PTDSS2: variants seen among roughly 807,000 people sequenced by gnomAD.
The protein encoded by PTDSS2 is PSS-2.
Under a neutral mutation model 64.7 loss-of-function variants are expected in PTDSS2, and 41 were observed. The ratio of observed to expected loss-of-function variants is 0.63; its 90% CI spans 0.49 to 0.82. The LOEUF is 0.82. PTDSS2 is among the 40% of genes least tolerant of loss of function. PTDSS2 has a pLI of 0.00. For missense variants in PTDSS2, 485 were observed against 650.0 expected, an observed-to-expected ratio of 0.75 and a Z score of 2.76; for synonymous variants, 297 against 277.8, an observed-to-expected ratio of 1.07 and a Z score of -0.69.
chr11:473,224 C>T (rs916721996), intron 2 of PTDSS2, among the ~76,000 whole-genome samples: 5 of 152,248 alleles, frequency 3.3e-5, no homozygotes, highest in African/African-American at 1.2e-4. Context: ...CTCGCATCCT[C>T]CTTCCCGTGA....
chr11:452,893 T>TTTTA (rs1221991898), intron 1 of PTDSS2, among the ~76,000 whole-genome samples: 17 of 152,116 alleles, frequency 1.1e-4, no homozygotes, highest in African/African-American at 2.4e-4. Context: ...TTTTATTCAT[T>TTTTA]TTTATTTATT....
At chr11:466,008 A>G (rs1442696682) in intron 2 of PTDSS2, among the ~76,000 whole-genome samples, 4 of 152,192 alleles carry the variant, frequency 2.6e-5, no homozygotes, top group Admixed American at 2.6e-4. Flanking sequence ...AAGCTGTTGA[A>G]AATGTTTACA....
Position 462,490 on chromosome 11 carries a change from T to C in PTDSS2, c.284+2202T>C, listed in dbSNP as rs755829325. ...CACATTCTCTTTCCCCCTCACCCTC[T>C]TTGAGGGCACAAAAGAAGCCACCTG... On this transcript the variant is annotated intron_variant, in intron 2 of 11. Coordinates refer to ENST00000308020, the MANE Select transcript of PTDSS2 (RefSeq NM_030783.3). The surrounding 1 kb of genome is among the most constrained non-coding windows in gnomAD (Gnocchi z 4.5). Among the ~76,000 whole-genome samples the C allele has an allele frequency of 1.3e-5, 2 of 152,214 alleles. No individual in the cohort carries two copies. The highest frequency in any genetic ancestry group is 2.4e-5 in the African/African-American group (1 of 41,446).
chr11:453,121 C>T (rs1403545837), intron 1 of PTDSS2, among the ~76,000 whole-genome samples: 1 of 152,144 alleles, frequency 6.6e-6, no homozygotes, highest in African/African-American at 2.4e-5. Context: ...GCTTGTCAGC[C>T]ATAGGGATAG....
intron 3 of PTDSS2, among the ~76,000 whole-genome samples, chr11:475,264 C>CATTT (rs1847722315): frequency 1.4e-5 from 2 of 144,460 alleles, no homozygotes; most frequent in South Asian, 2.2e-4. Flanking sequence ...CATATTCACG[C>CATTT]GTTTGTGATA....
chr11:479,319 G>A lies in PTDSS2; in HGVS notation c.435+167G>A. On this transcript the variant is annotated intron_variant, in intron 4 of 11. Transcript: ENST00000308020. This position sits in a 1 kb window ranked among gnomAD's most constrained non-coding sequence, Gnocchi z 4.2. The stretch of plus-strand genomic sequence containing the variant: ...GCGGGGGGTCTCCAGGAGCATCTGT[G>A]CGGCCCTTGAGTGATGGGGGGCAGC... 1 of 700,736 alleles carries A rather than the reference G, an allele frequency of 1.4e-6. No individual in the cohort carries two copies. Among genetic ancestry groups the A allele is most frequent in the Non-Finnish European group, 2.6e-6 (1 of 390,958 alleles). The allele number at this position is 700,736 out of a possible 1,614,324, so 43.4% of individuals were successfully genotyped here. A position where few individuals can be genotyped will look rare whatever the true frequency, so the allele number is the denominator to read the frequency against.
Position 450,618 on chromosome 11 carries a change from G to C in PTDSS2, c.163G>C (p.Gly55Arg). 1.6e-6 allele frequency: 2 copies of C among 1,243,642 alleles called. No homozygotes were observed. Among genetic ancestry groups the C allele is most frequent in the Non-Finnish European group, 2.0e-6 (2 of 986,280 alleles). 77.0% of individuals were successfully genotyped at this position (1,243,642 alleles called of 1,614,324 possible). ...RSTESEVYDD[G>R]TNTFFWRAHT... ...CACCGAGTCCGAGGTCTACGACGACGGCACCAACACCTTCTTCTGGTGAGG... is the reference window on the plus strand; with the variant it reads ...CACCGAGTCCGAGGTCTACGACGACCGCACCAACACCTTCTTCTGGTGAGG... Residue 55 changes from glycine to arginine, a missense_variant, in exon 1 of 12, where the codon GGC becomes CGC. Coordinates refer to ENST00000308020, the MANE Select transcript of PTDSS2 (RefSeq NM_030783.3).
At position 479,142 on chromosome 11, in the gene PTDSS2, T is replaced by C. The variant is rs1242199777; in HGVS notation, c.425T>C (p.Ile142Thr). 1 of 1,613,946 alleles carries C rather than the reference T, an allele frequency of 6.2e-7. No individual in the cohort carries two copies. The highest frequency in any genetic ancestry group is 1.1e-5 in the South Asian group (1 of 91,080). ...GTCTACGAGCTGTTTCTCATCTTTA[T>C]ACTCTTCCAGGTAAGCTGTTTTTCT... Reference protein sequence around the residue: ...SVVYELFLIFILFQTVQDGRQ... With the variant: ...SVVYELFLIFTLFQTVQDGRQ... The change falls in exon 4 of 12, where the codon ATA becomes ACA. Residue 142 changes from isoleucine to threonine, a missense_variant. Coordinates refer to ENST00000308020, the MANE Select transcript of PTDSS2 (RefSeq NM_030783.3). This position sits in a 1 kb window ranked among gnomAD's most constrained non-coding sequence, Gnocchi z 4.2.
At chr11:473,398 G>A (rs547190666) in intron 2 of PTDSS2, among the ~76,000 whole-genome samples, 10 of 152,318 alleles carry the variant, frequency 6.6e-5, no homozygotes, top group Admixed American at 1.3e-4. Flanking sequence ...AGCTCCTGAC[G>A]CCTTCCCTCC....
rs779169541 is a variant in PTDSS2, at chr11:489,668, G to T, written c.1050G>T (p.Arg350=). ...CGGAGCACTACCTGGTCCTCCTGCG[G>T]CTCGTCTTCTTCGTGAACGTGGGTG... ...MPPEHYLVLL[R]LVFFVNVGGV... The change falls in exon 10 of 12, where the codon CGG becomes CGT. Residue 350 remains arginine, a synonymous_variant. Coordinates refer to ENST00000308020, the MANE Select transcript of PTDSS2 (RefSeq NM_030783.3). 3.1e-6 allele frequency: 5 copies of T among 1,601,136 alleles called. No homozygotes were observed. In the South Asian group the frequency reaches 5.6e-5, roughly 18 times the overall value.
intron 1 of PTDSS2, among the ~76,000 whole-genome samples, chr11:454,677 C>A (rs543931259): frequency 6.6e-6 from 1 of 152,194 alleles, no homozygotes; most frequent in South Asian, 2.1e-4. Flanking sequence ...TGGTGGCGGG[C>A]GCCTGTAATC....
At position 459,281 on chromosome 11, in the gene PTDSS2, G is replaced by C. The variant is rs570012531; in HGVS notation, c.183-906G>C. ...ACACACTCCGGTGGATGTCGGACCT[G>C]GGTTAGACGTGAGGACACACTCCGG... On this transcript the variant is annotated intron_variant, in intron 1 of 11. Coordinates refer to ENST00000308020, the MANE Select transcript of PTDSS2 (RefSeq NM_030783.3). 1.0e-3 allele frequency: 100 copies of C among 96,486 alleles called. 2 individuals are homozygous for C. The highest frequency in any genetic ancestry group is 4.7e-3 in the African/African-American group (94 of 19,810). 6.0% of individuals were successfully genotyped at this position (96,486 alleles called of 1,614,324 possible).
chr11:460,289 G>T lies in PTDSS2; in HGVS notation c.284+1G>T. 1 of 1,612,900 alleles carries T rather than the reference G, an allele frequency of 6.2e-7. No homozygotes were observed. The highest frequency in any genetic ancestry group is 1.7e-4 in the Middle Eastern group (1 of 6,046). The stretch of plus-strand genomic sequence containing the variant: ...AGGACACGGCCTACAACACCAAGAG[G>T]TAAGCTGCCCTCTTGTCCTGCCTTC... On this transcript the variant is annotated splice_donor_variant, in intron 2 of 11. Coordinates refer to ENST00000308020, the MANE Select transcript of PTDSS2 (RefSeq NM_030783.3). LOFTEE classifies it high-confidence loss of function. This position sits in a 1 kb window ranked among gnomAD's most constrained non-coding sequence, Gnocchi z 5.8.
upstream of PTDSS2, among the ~76,000 whole-genome samples, chr11:448,691 G>A (rs1846195308): frequency 6.6e-6 from 1 of 152,208 alleles, no homozygotes; most frequent in Admixed American, 6.5e-5. Flanking sequence ...ATCACAGTCA[G>A]GCCCCATCCC....
In PTDSS2 at chr11:486,860, T is replaced by A. The variant is rs1366213517; in HGVS notation, c.436-79T>A. ...GAGACTCCATCTCAAAAAAATAAAA[T>A]AAATAAACAACCATGATCTCCCGTT... is the stretch of plus-strand genomic sequence containing the variant. On this transcript the variant is annotated intron_variant, in intron 4 of 11. Coordinates refer to ENST00000308020, the MANE Select transcript of PTDSS2 (RefSeq NM_030783.3). 15 of 1,502,004 alleles carry A rather than the reference T, an allele frequency of 1.0e-5. 1 individual carries two copies. Among genetic ancestry groups the A allele is most frequent in the South Asian group, 4.1e-5 (3 of 72,948 alleles). 93.0% of individuals were successfully genotyped at this position (1,502,004 alleles called of 1,614,324 possible). A position where few individuals can be genotyped will look rare whatever the true frequency, so the allele number is the denominator to read the frequency against.
intron 8 of PTDSS2, 54 bp downstream of exon 8, chr11:488,701 C>A: frequency 7.5e-7 from 1 of 1,329,350 alleles, no homozygotes; most frequent in South Asian, 1.2e-5. Flanking sequence ...CTGGAGGCAG[C>A]CTCAGCGTCC....
intron 4 of PTDSS2, among the ~76,000 whole-genome samples, chr11:482,411 G>A (rs1361404251): frequency 6.6e-6 from 1 of 152,056 alleles, no homozygotes; most frequent in Non-Finnish European, 1.5e-5. Context: ...TAGTAGAGTC[G>A]GGGTTTCACC....
At position 487,499 on chromosome 11, in the gene PTDSS2, C is replaced by T. The variant is rs190301516; in HGVS notation, c.621+29C>T. On this transcript the variant is annotated intron_variant, in intron 6 of 11. Coordinates refer to ENST00000308020, the MANE Select transcript of PTDSS2 (RefSeq NM_030783.3). ...CGGCACCTCCTCTTCCCGGCCTCCC[C>T]GCCCCGGTTCTGAGGCCTGCCGTGG... The T allele has an allele frequency of 2.0e-3, 3,280 of 1,607,810 alleles. 17 individuals are homozygous for T. Among genetic ancestry groups the T allele is most frequent in the Middle Eastern group, 0.015 (91 of 6,054 alleles).
At chr11:464,314 A>G (rs897786455) in intron 2 of PTDSS2, among the ~76,000 whole-genome samples, 1 of 152,080 alleles carries the variant, frequency 6.6e-6, no homozygotes, top group African/African-American at 2.4e-5. Flanking sequence ...AACGTTATTG[A>G]CCTATAATTT....
Sources: allele counts gnomAD v4.1 joint callset (sites outside exome capture counted in the v4.1 genomes callset), GRCh38; gene constraint gnomAD v4.1.1; non-coding constraint Gnocchi (gnomAD v3.1); transcripts MANE v1.5; gene names NCBI Gene and HGNC (gene_info 2026-07-23, HGNC 2026-07-21).